The following PCSK5 variants were observed in gnomAD, a reference collection of about 807,000 sequenced individuals.
PCSK5 encodes proprotein convertase subtilisin/kexin type 5, also known as prohormone convertase 5.
A neutral mutation model predicts 233.2 loss-of-function variants in PCSK5; 129 were observed. The ratio of observed to expected loss-of-function variants is 0.55; its 90% CI spans 0.48 to 0.64. The LOEUF (loss-of-function observed/expected upper bound fraction) is 0.64, where lower values mean the gene tolerates loss of function less well. PCSK5 is among the 30% of genes least tolerant of loss of function. PCSK5 has a pLI of 0.00. For synonymous variants in PCSK5, 825 were observed against 879.2 expected (o/e 0.94, Z 1.09); for missense variants, 2,076 against 2,430.1 (o/e 0.85, Z 3.06).
intron 13 of PCSK5, among the ~76,000 whole-genome samples, chr9:76,174,702 C>T (rs1823492393): frequency 6.6e-6 from 1 of 152,176 alleles, no homozygotes; most frequent in African/African-American, 2.4e-5. Context: ...GCCCTTGATC[C>T]AGCAATCTGA....
intron 10 of PCSK5, among the ~76,000 whole-genome samples, chr9:76,155,111 A>G (rs1402230214): frequency 1.3e-5 from 2 of 152,224 alleles, no homozygotes; most frequent in Non-Finnish European, 2.9e-5. Flanking sequence ...TCCCACATTT[A>G]TCCGTGCCAT....
At chr9:76,217,618 C>G (rs1040305634) in intron 20 of PCSK5, among the ~76,000 whole-genome samples, 3 of 152,174 alleles carry the variant, frequency 2.0e-5, no homozygotes, top group Admixed American at 2.0e-4. Context: ...GATATAGGCA[C>G]TTCAGTTCCC....
At position 76,136,214 on chromosome 9, in the gene PCSK5, T is replaced by C. The variant is rs115093162; in HGVS notation, c.1312+2002T>C. ...GTATTTCATCTAAACAGGATCATAA[T>C]AAGATGACTTAAGAAAAAAAAAAAG... On this transcript the variant is annotated intron_variant, in intron 10 of 37. Coordinates refer to ENST00000674117, the MANE Select transcript of PCSK5 (RefSeq NM_001372043.1). Among the ~76,000 whole-genome samples the C allele has an allele frequency of 9.0e-3, 1,358 of 151,546 alleles. 18 individuals are homozygous for C. Among genetic ancestry groups the C allele is most frequent in the African/African-American group, 0.031 (1,284 of 41,294 alleles).
chr9:76,004,466 A>G (rs1827394746), intron 3 of PCSK5, among the ~76,000 whole-genome samples: 2 of 152,304 alleles, frequency 1.3e-5, no homozygotes, highest in South Asian at 2.1e-4. Flanking sequence ...TGTAATTAAC[A>G]GGATATCTGA....
chr9:76,159,816 CTTTTTT>C (rs386415165), intron 12 of PCSK5, among the ~76,000 whole-genome samples: 2 of 97,590 alleles, frequency 2.0e-5, no homozygotes, highest in Non-Finnish European at 3.9e-5. Flanking sequence ...CTCTTCAGTC[CTTTTTT>C]TTTTTTTTTT....
rs550668472 is a variant in PCSK5, at chr9:76,088,624, A to G, written c.895-7266A>G. 3.3e-5 allele frequency among the ~76,000 whole-genome samples: 5 copies of G among 152,296 alleles called. No individual in the cohort carries two copies. The East Asian group carries it at 5.8e-4, about 18-fold the overall frequency. On this transcript the variant is annotated intron_variant, in intron 7 of 37. Coordinates refer to ENST00000674117, the MANE Select transcript of PCSK5 (RefSeq NM_001372043.1). ...ATTCCCTGAGTCTTAACTCGATTCC[A>G]TATAATTAATTTCCCTAACCTCAGC...
intron 1 of PCSK5, among the ~76,000 whole-genome samples, chr9:75,925,410 C>T (rs534824652): frequency 2.6e-5 from 4 of 152,254 alleles, no homozygotes; most frequent in African/African-American, 4.8e-5. Context: ...TTATTCTACT[C>T]GTTTATTGAG....
intron 3 of PCSK5, among the ~76,000 whole-genome samples, chr9:76,011,093 T>C (rs1232526161): frequency 6.6e-6 from 1 of 152,242 alleles, no homozygotes; most frequent in African/African-American, 2.4e-5. Flanking sequence ...GTTAGATTCT[T>C]GAAAGGATTC....
At chr9:76,209,625 T>A (rs1475582283) in intron 20 of PCSK5, 6 of 482,000 alleles carry the variant, frequency 1.2e-5, no homozygotes, top group South Asian at 9.1e-5. Flanking sequence ...CTTATTTATT[T>A]ACCAAAATGT....
At chr9:76,155,455 A>C (rs1324376308) in intron 10 of PCSK5, among the ~76,000 whole-genome samples, 1 of 152,242 alleles carries the variant, frequency 6.6e-6, no homozygotes, top group African/African-American at 2.4e-5. Context: ...TAAAGAAACA[A>C]GACCCAGTTG....
chr9:76,351,645 AAG>A (rs1830168106), intron 36 of PCSK5, among the ~76,000 whole-genome samples: 1 of 93,324 alleles, frequency 1.1e-5, no homozygotes, highest in Non-Finnish European at 2.4e-5. Flanking sequence ...AGAAAGAAGA[AAG>A]AAAGAGAGAG....
intron 20 of PCSK5, among the ~76,000 whole-genome samples, chr9:76,217,931 T>G (rs1297614187): frequency 6.6e-6 from 1 of 152,108 alleles, no homozygotes; most frequent in African/African-American, 2.4e-5. Flanking sequence ...GCCGCTGCCC[T>G]CACTTTCATT....
intron 30 of PCSK5, among the ~76,000 whole-genome samples, chr9:76,313,543 T>C (rs557017234): frequency 4.6e-5 from 7 of 152,254 alleles, no homozygotes; most frequent in East Asian, 3.9e-4. Context: ...AATGTGGTCT[T>C]TGAGCCAAGC....
intron 3 of PCSK5, among the ~76,000 whole-genome samples, chr9:76,020,841 C>T (rs761315691): frequency 2.6e-5 from 4 of 152,156 alleles, no homozygotes; most frequent in Non-Finnish European, 4.4e-5. Context: ...TTCCTTCCTC[C>T]GGCCCACCTC....
intron 37 of PCSK5, 107 bp downstream of exon 37, chr9:76,354,326 C>T: frequency 1.2e-6 from 1 of 827,936 alleles, no homozygotes; most frequent in Non-Finnish European, 1.9e-6. Flanking sequence ...AATATGGCTA[C>T]CTTTTTATTG....
chr9:76,299,233 T>G (rs1277957862), intron 27 of PCSK5, among the ~76,000 whole-genome samples: 1 of 152,202 alleles, frequency 6.6e-6, no homozygotes, highest in African/African-American at 2.4e-5. Flanking sequence ...TAAGACTAAG[T>G]AATCAAAGAT....
At chr9:76,300,658 T>C (rs1828571106) in intron 27 of PCSK5, among the ~76,000 whole-genome samples, 1 of 152,186 alleles carries the variant, frequency 6.6e-6, no homozygotes. Context: ...CTAAAGCCTA[T>C]GTCTACACCC....
chr9:75,915,490 A>G lies in PCSK5; in HGVS notation c.193-16889A>G, dbSNP rs1822946602. ...CCCCACTCTTGGTCTTTATCACTTT[A>G]ATTTCTTGAGGCTTTAAACCTATTT... On this transcript the variant is annotated intron_variant, in intron 1 of 37. Transcript: ENST00000674117. Among the ~76,000 whole-genome samples, 3 of 152,304 alleles carry G rather than the reference A, an allele frequency of 2.0e-5. No individual in the cohort carries two copies. The South Asian group carries it at 6.2e-4, about 32-fold the overall frequency.
intron 22 of PCSK5, among the ~76,000 whole-genome samples, chr9:76,234,321 C>T (rs896041457): frequency 6.6e-6 from 1 of 152,112 alleles, no homozygotes; most frequent in African/African-American, 2.4e-5. Flanking sequence ...ACTGGACCTG[C>T]ATTTCCCAAA....
Sources: allele counts gnomAD v4.1 joint callset (sites outside exome capture counted in the v4.1 genomes callset), GRCh38; gene constraint gnomAD v4.1.1; transcripts MANE v1.5; gene names NCBI Gene and HGNC (gene_info 2026-07-23, HGNC 2026-07-21).